The following GRIN2A variants were observed in gnomAD, a reference collection of about 807,000 sequenced individuals.
The protein encoded by GRIN2A is glutamate ionotropic receptor NMDA type subunit 2A, also known as glutamate receptor ionotropic, NMDA 2A.
Under a neutral mutation model 113.4 loss-of-function variants are expected in GRIN2A, and 22 were observed. The ratio of observed to expected loss-of-function variants is 0.19; its 90% CI spans 0.14 to 0.28. The LOEUF is 0.28. GRIN2A is among the 10% of genes least tolerant of loss of function. The pLI, the probability that GRIN2A is intolerant of heterozygous loss-of-function variation, is 1.00. For missense variants in GRIN2A, 1,502 were observed against 1,887.0 expected, an observed-to-expected ratio of 0.80 and a Z score of 3.78; for synonymous variants, 827 against 738.4, an observed-to-expected ratio of 1.12 and a Z score of -1.94.
chr16:9,791,632 G>A (rs1902611150), intron 11 of GRIN2A, among the ~76,000 whole-genome samples: 1 of 152,208 alleles, frequency 6.6e-6, no homozygotes, highest in Non-Finnish European at 1.5e-5. Context: ...ATCAAGGGCA[G>A]TGTTGAGGAT....
At chr16:10,039,397 G>A (rs986830704) in intron 2 of GRIN2A, among the ~76,000 whole-genome samples, 1 of 152,130 alleles carries the variant, frequency 6.6e-6, no homozygotes, top group African/African-American at 2.4e-5. Flanking sequence ...AGGTAAATGT[G>A]GCTTTGTTTA....
intron 10 of GRIN2A, 30 bp from the exon 11 acceptor site, chr16:9,798,494 G>C (rs761326931): frequency 6.3e-7 from 1 of 1,592,606 alleles, no homozygotes; most frequent in South Asian, 1.1e-5. Flanking sequence ...GGGGGTCATA[G>C]GGGTGGCCAG....
intron 4 of GRIN2A, 57 bp from the exon 5 acceptor site, chr16:9,850,018 A>C (rs752220289): frequency 2.1e-6 from 3 of 1,452,202 alleles, no homozygotes; most frequent in Non-Finnish European, 2.9e-6. Context: ...ATTTCTGGAG[A>C]GGCAAATCCT....
chr16:9,914,662 G>A (rs898113796), intron 3 of GRIN2A, among the ~76,000 whole-genome samples: 1 of 152,140 alleles, frequency 6.6e-6, no homozygotes, highest in Non-Finnish European at 1.5e-5. Context: ...AAGTGGGAAC[G>A]TAAGGGGCTC....
At chr16:9,962,586 T>C (rs1246788144) in intron 2 of GRIN2A, among the ~76,000 whole-genome samples, 3 of 152,086 alleles carry the variant, frequency 2.0e-5, no homozygotes, top group Admixed American at 2.0e-4. Flanking sequence ...CCAGTTAGAA[T>C]GGCGATCATT....
Position 9,759,485 on chromosome 16 carries a change from G to A in GRIN2A, c.*3664C>T, listed in dbSNP as rs1900487750. 8.9e-6 allele frequency: 2 copies of A among 223,908 alleles called. No homozygotes were observed. Among genetic ancestry groups the A allele is most frequent in the Non-Finnish European group, 1.8e-5 (2 of 112,278 alleles). 13.9% of individuals were successfully genotyped at this position (223,908 alleles called of 1,614,324 possible). On this transcript the variant is annotated 3_prime_UTR_variant, in exon 13 of 13. Coordinates refer to ENST00000330684, the MANE Select transcript of GRIN2A (RefSeq NM_001134407.3). The stretch of plus-strand genomic sequence containing the variant: ...CTGCCTTGGCTAGAGTCCCATTTAA[G>A]TGAAACTATTTCATTTGTAAACAAG...
At chr16:9,840,225 G>C (rs890631169) in intron 7 of GRIN2A, among the ~76,000 whole-genome samples, 5 of 152,130 alleles carry the variant, frequency 3.3e-5, no homozygotes, top group African/African-American at 1.2e-4. Flanking sequence ...AATCATGGCA[G>C]AAGAGGAAGC....
chr16:9,869,730 A>G (rs909285807), intron 4 of GRIN2A, among the ~76,000 whole-genome samples: 1 of 152,246 alleles, frequency 6.6e-6, no homozygotes, highest in Non-Finnish European at 1.5e-5. Context: ...AGTAACTGCA[A>G]GGCACTTATT....
At chr16:9,879,877 C>A (rs2043443085) in intron 4 of GRIN2A, among the ~76,000 whole-genome samples, 1 of 152,218 alleles carries the variant, frequency 6.6e-6, no homozygotes, top group Non-Finnish European at 1.5e-5. Flanking sequence ...TCATCTCAAG[C>A]TCTTCAATAG....
intron 2 of GRIN2A, among the ~76,000 whole-genome samples, chr16:10,031,012 A>G (rs58839064): frequency 0.017 from 2,633 of 152,252 alleles, 81 homozygotes; most frequent in African/African-American, 0.06. Context: ...AAATACTACT[A>G]TCATGAGGCC....
At chr16:9,896,497 T>C (rs1266165153) in intron 3 of GRIN2A, among the ~76,000 whole-genome samples, 1 of 152,214 alleles carries the variant, frequency 6.6e-6, no homozygotes, top group Non-Finnish European at 1.5e-5. Flanking sequence ...CAGATGGAAT[T>C]AGCAGAGTGA....
At chr16:10,179,895 C>T in intron 2 of GRIN2A, 103 bp downstream of exon 2, 1 of 808,170 alleles carries the variant, frequency 1.2e-6, no homozygotes, top group Middle Eastern at 3.4e-4. Flanking sequence ...CCCACCCCCA[C>T]TTCACATCAA....
intron 3 of GRIN2A, among the ~76,000 whole-genome samples, chr16:9,911,827 T>C (rs1363584278): frequency 1.3e-5 from 2 of 152,212 alleles, no homozygotes; most frequent in African/African-American, 4.8e-5. Flanking sequence ...TTTTACACTT[T>C]TGGGAAGTTT....
intron 2 of GRIN2A, among the ~76,000 whole-genome samples, chr16:10,128,808 T>G (rs529302175): frequency 9.2e-4 from 140 of 152,310 alleles, no homozygotes; most frequent in African/African-American, 3.2e-3. Flanking sequence ...AGAATTTTAA[T>G]TCAACAAAAG....
chr16:9,883,059 G>A (rs2043515888), intron 4 of GRIN2A, among the ~76,000 whole-genome samples: 1 of 152,150 alleles, frequency 6.6e-6, no homozygotes, highest in African/African-American at 2.4e-5. Flanking sequence ...CACCAGCTGG[G>A]AGATCTTAAG....
intron 2 of GRIN2A, 84 bp from the exon 3 acceptor site, chr16:9,938,635 A>C: frequency 1.1e-6 from 1 of 909,820 alleles, no homozygotes; most frequent in Non-Finnish European, 1.8e-6. Flanking sequence ...GAAGTAAGGA[A>C]AGTAAATCAC....
intron 2 of GRIN2A, among the ~76,000 whole-genome samples, chr16:10,085,057 T>C (rs1261736411): frequency 6.6e-6 from 1 of 152,144 alleles, no homozygotes; most frequent in East Asian, 1.9e-4. Flanking sequence ...GTCATTCCCA[T>C]ATTGGGAAGA....
chr16:10,045,921 G>T (rs771883680), intron 2 of GRIN2A, among the ~76,000 whole-genome samples: 3 of 152,206 alleles, frequency 2.0e-5, no homozygotes, highest in Non-Finnish European at 2.9e-5. Context: ...TGGGTGGGCT[G>T]TCCTGTACAT....
chr16:9,903,322 C>T (rs928856373), intron 3 of GRIN2A, among the ~76,000 whole-genome samples: 1 of 152,106 alleles, frequency 6.6e-6, no homozygotes, highest in Non-Finnish European at 1.5e-5. Context: ...AATACATTGC[C>T]TCCTGCTATT....
Sources: allele counts gnomAD v4.1 joint callset (sites outside exome capture counted in the v4.1 genomes callset), GRCh38; gene constraint gnomAD v4.1.1; transcripts MANE v1.5; gene names NCBI Gene and HGNC (gene_info 2026-07-23, HGNC 2026-07-21).